Variants in CAMK1D observed in about 807,000 individuals in gnomAD.
The protein encoded by CAMK1D is calcium/calmodulin-dependent protein kinase type 1D.
A neutral mutation model predicts 47.7 loss-of-function variants in CAMK1D; 9 were observed. The ratio of observed to expected loss-of-function variants is 0.19; its 90% CI spans 0.11 to 0.33. The LOEUF is 0.33. CAMK1D is among the 10% of genes least tolerant of loss of function. The pLI is 1.00. For missense variants in CAMK1D, 291 were observed against 488.7 expected, an observed-to-expected ratio of 0.60 and a Z score of 3.81; for synonymous variants, 184 against 184.9, an observed-to-expected ratio of 0.99 and a Z score of 0.04.
chr10:12,605,337 A>AGTGTGTGTGTGTGTGTGTGTGTGTGT (rs112178502), intron 2 of CAMK1D, among the ~76,000 whole-genome samples: 1 of 145,102 alleles, frequency 6.9e-6, no homozygotes, highest in Admixed American at 6.9e-5. Flanking sequence ...AAACCATTCA[A>AGTGTGTGTGTGTGTGTGTGTGTGTGT]GTGTGTGTGT....
At chr10:12,429,774 A>T (rs1464785396) in intron 1 of CAMK1D, among the ~76,000 whole-genome samples, 3 of 152,058 alleles carry the variant, frequency 2.0e-5, no homozygotes, top group African/African-American at 4.8e-5. Flanking sequence ...GACTGAGACC[A>T]CCGGGTGCCT....
chr10:12,655,038 G>C (rs1215582446), intron 2 of CAMK1D, among the ~76,000 whole-genome samples: 1 of 152,206 alleles, frequency 6.6e-6, no homozygotes, highest in Non-Finnish European at 1.5e-5. Flanking sequence ...CTGAGCTTGA[G>C]ACCCATTGGA....
At chr10:12,763,886 C>T (rs1048594719) in intron 4 of CAMK1D, among the ~76,000 whole-genome samples, 2 of 152,154 alleles carry the variant, frequency 1.3e-5, no homozygotes, top group Non-Finnish European at 2.9e-5. Flanking sequence ...CAGTGAGTCC[C>T]GGACCTCTTT....
At chr10:12,413,755 C>T (rs1333375793) in intron 1 of CAMK1D, among the ~76,000 whole-genome samples, 3 of 151,602 alleles carry the variant, frequency 2.0e-5, no homozygotes, top group Non-Finnish European at 4.4e-5. Flanking sequence ...TATTTCAGAC[C>T]AAAACTTTGC....
chr10:12,433,859 C>T (rs369739806), intron 1 of CAMK1D, among the ~76,000 whole-genome samples: 19 of 152,346 alleles, frequency 1.2e-4, no homozygotes, highest in African/African-American at 4.3e-4. Flanking sequence ...TCCTAACATA[C>T]ACAGACTTCC....
intron 1 of CAMK1D, among the ~76,000 whole-genome samples, chr10:12,424,636 TTA>T (rs1840164131): frequency 6.6e-6 from 1 of 152,150 alleles, no homozygotes; most frequent in Non-Finnish European, 1.5e-5. Context: ...TCTGACCATG[TTA>T]TTCCTCTGTT....
intron 6 of CAMK1D, among the ~76,000 whole-genome samples, chr10:12,801,139 AAGG>A (rs199917812): frequency 0.012 from 1,827 of 152,196 alleles, 18 homozygotes; most frequent in Admixed American, 0.032. Context: ...TTGGGATGAA[AAGG>A]AGAAGAGGGG....
At chr10:12,744,668 A>T (rs987745351) in intron 3 of CAMK1D, among the ~76,000 whole-genome samples, 1 of 151,950 alleles carries the variant, frequency 6.6e-6, no homozygotes, top group Non-Finnish European at 1.5e-5. Flanking sequence ...AAGTGGGAGG[A>T]TCACTTGAGG....
intron 4 of CAMK1D, among the ~76,000 whole-genome samples, chr10:12,768,217 C>T (rs770272937): frequency 6.6e-6 from 1 of 152,198 alleles, no homozygotes; most frequent in South Asian, 2.1e-4. Context: ...AATTTCCTTA[C>T]TGGCGAATCA....
At chr10:12,774,760 G>C (rs950766162) in intron 5 of CAMK1D, among the ~76,000 whole-genome samples, 1 of 152,200 alleles carries the variant, frequency 6.6e-6, no homozygotes, top group Non-Finnish European at 1.5e-5. Flanking sequence ...AGATTCTCAT[G>C]GGAGCTTGAA....
intron 1 of CAMK1D, among the ~76,000 whole-genome samples, chr10:12,409,482 C>G (rs1364157049): frequency 6.6e-6 from 1 of 152,202 alleles, no homozygotes; most frequent in Admixed American, 6.5e-5. Flanking sequence ...CGGGCTCTTG[C>G]TACGTGGCCC....
At chr10:12,739,625 A>T (rs1181748723) in intron 3 of CAMK1D, among the ~76,000 whole-genome samples, 1 of 152,068 alleles carries the variant, frequency 6.6e-6, no homozygotes, top group Non-Finnish European at 1.5e-5. Flanking sequence ...ACTTAGAAAA[A>T]AAAGATTGAG....
At chr10:12,569,722 C>CAAAAAAAA (rs56335336) in intron 2 of CAMK1D, among the ~76,000 whole-genome samples, 1 of 71,444 alleles carries the variant, frequency 1.4e-5, no homozygotes, top group Non-Finnish European at 2.5e-5. Flanking sequence ...GACTCCGTCT[C>CAAAAAAAA]AAAAAAAAAA....
intron 1 of CAMK1D, among the ~76,000 whole-genome samples, chr10:12,493,047 A>G (rs1382885119): frequency 5.3e-5 from 8 of 152,184 alleles, no homozygotes; most frequent in Non-Finnish European, 1.0e-4. Context: ...ACCCTTGCAC[A>G]CTTGCTTTCT....
chr10:12,627,095 T>C (rs573041874), intron 2 of CAMK1D, among the ~76,000 whole-genome samples: 1 of 150,162 alleles, frequency 6.7e-6, no homozygotes, highest in East Asian at 1.9e-4. Flanking sequence ...TTTTTTTTTT[T>C]TTTTGAGACA....
chr10:12,626,323 T>C (rs1839211855), intron 2 of CAMK1D, among the ~76,000 whole-genome samples: 1 of 152,138 alleles, frequency 6.6e-6, no homozygotes, highest in Non-Finnish European at 1.5e-5. Context: ...TCAATATACA[T>C]AGTTTTGAAA....
intron 2 of CAMK1D, among the ~76,000 whole-genome samples, chr10:12,625,475 C>G (rs4310517): frequency 0.59 from 87,307 of 149,212 alleles, 29,360 homozygotes; most frequent in East Asian, 0.73. Flanking sequence ...GCTAGGACTA[C>G]AGGCATGCAC....
chr10:12,631,350 A>C (rs950504210), intron 2 of CAMK1D, among the ~76,000 whole-genome samples: 37 of 152,242 alleles, frequency 2.4e-4, no homozygotes, highest in African/African-American at 8.7e-4. Flanking sequence ...GCATGCCTGG[A>C]CAGAACTAGA....
chr10:12,402,690 G>T (rs1839271610), intron 1 of CAMK1D, among the ~76,000 whole-genome samples: 1 of 152,198 alleles, frequency 6.6e-6, no homozygotes, highest in Non-Finnish European at 1.5e-5. Context: ...GGAGAGGTTA[G>T]TGCCCCAAAT....
Sources: allele counts gnomAD v4.1 joint callset (sites outside exome capture counted in the v4.1 genomes callset), GRCh38; gene constraint gnomAD v4.1.1; transcripts MANE v1.5; gene names NCBI Gene and HGNC (gene_info 2026-07-23, HGNC 2026-07-21).